The following ST18 variants were observed in gnomAD, a reference collection of about 807,000 sequenced individuals.
ST18 encodes the protein ST18 C2H2C-type zinc finger transcription factor, also known as suppression of tumorigenicity 18 protein.
A neutral mutation model predicts 110.0 loss-of-function variants in ST18; 50 were observed. That is an observed-to-expected ratio of 0.45 (90% confidence interval 0.36 to 0.58). The LOEUF is 0.58. Ranked by LOEUF, ST18 falls within the 20% of genes least tolerant of loss-of-function variation. The pLI is 0.00. For synonymous variants in ST18, 461 were observed against 452.4 expected (o/e 1.02, Z -0.24); for missense variants, 1,306 against 1,280.1 (o/e 1.02, Z -0.31).
intron 13 of ST18, 29 bp from the exon 14 acceptor site, chr8:52,161,597 G>T: frequency 6.2e-7 from 1 of 1,608,568 alleles, no homozygotes; most frequent in Non-Finnish European, 8.5e-7. Flanking sequence ...CAGTTCAAAA[G>T]AAATACAATG....
At chr8:52,319,112 T>G (rs146539448) in intron 2 of ST18, among the ~76,000 whole-genome samples, 2 of 152,254 alleles carry the variant, frequency 1.3e-5, no homozygotes, top group African/African-American at 2.4e-5. Flanking sequence ...TAAAAAAAAT[T>G]ATTTTTAAGG....
At chr8:52,392,937 T>C (rs1219756313) in intron 2 of ST18, among the ~76,000 whole-genome samples, 4 of 152,212 alleles carry the variant, frequency 2.6e-5, no homozygotes, top group Non-Finnish European at 4.4e-5. Flanking sequence ...CTTTCTATTT[T>C]CCATCTGTGA....
intron 2 of ST18, among the ~76,000 whole-genome samples, chr8:52,346,795 C>T (rs923766926): frequency 2.6e-5 from 4 of 151,766 alleles, no homozygotes; most frequent in African/African-American, 7.3e-5. Context: ...AGAAAGGTTT[C>T]GAGGGTGGGG....
intron 2 of ST18, among the ~76,000 whole-genome samples, chr8:52,300,315 T>C (rs978517068): frequency 6.6e-6 from 1 of 152,120 alleles, no homozygotes; most frequent in Admixed American, 6.6e-5. Context: ...CGAACACTCA[T>C]GGAACAGAAT....
chr8:52,396,989 G>A (rs1841380014), intron 2 of ST18, among the ~76,000 whole-genome samples: 1 of 152,062 alleles, frequency 6.6e-6, no homozygotes, highest in Admixed American at 6.6e-5. Flanking sequence ...TCTCCTTTGG[G>A]TATATACCCA....
intron 2 of ST18, among the ~76,000 whole-genome samples, chr8:52,253,205 TC>T (rs1404846292): frequency 6.6e-6 from 1 of 152,048 alleles, no homozygotes; most frequent in Non-Finnish European, 1.5e-5. Flanking sequence ...TGAAAAACAC[TC>T]CAGTTATTTC....
intron 2 of ST18, among the ~76,000 whole-genome samples, chr8:52,385,776 C>A (rs1836456609): frequency 6.6e-6 from 1 of 151,076 alleles, no homozygotes; most frequent in African/African-American, 2.4e-5. Flanking sequence ...AACATGTAAT[C>A]ACTATTTGCA....
rs1192619893 is a variant in ST18, at chr8:52,138,857, G to A, written c.2169-1374C>T. On this transcript the variant is annotated intron_variant, in intron 17 of 25. Coordinates refer to ENST00000689386, the MANE Select transcript of ST18 (RefSeq NM_001352837.2). The stretch of plus-strand genomic sequence containing the variant: ...ACTTATCCAGATATACAGAATACAT[G>A]TTTTAGCCTTTTGAAGGGACATTTT... Among the ~76,000 whole-genome samples, 6 of 152,222 alleles carry A rather than the reference G, an allele frequency of 3.9e-5. No individual in the cohort carries two copies. The East Asian group carries it at 1.2e-3, about 29-fold the overall frequency.
At chr8:52,193,659 C>G (rs2075290862) in intron 8 of ST18, among the ~76,000 whole-genome samples, 1 of 152,220 alleles carries the variant, frequency 6.6e-6, no homozygotes, top group African/African-American at 2.4e-5. Context: ...AGACAGGACC[C>G]TGGGGAAAAG....
At chr8:52,409,758 G>A (rs1252198187), upstream of ST18, 2 of 152,276 alleles carry the variant, frequency 1.3e-5, no homozygotes, top group African/African-American at 2.4e-5. Context: ...CATAGAATCA[G>A]AACGCAGAGG....
At chr8:52,395,048 G>C (rs1840633603) in intron 2 of ST18, among the ~76,000 whole-genome samples, 1 of 152,178 alleles carries the variant, frequency 6.6e-6, no homozygotes, top group Non-Finnish European at 1.5e-5. Context: ...AGTCATGGGG[G>C]AGGTCTCTCA....
intron 2 of ST18, among the ~76,000 whole-genome samples, chr8:52,299,566 T>C (rs1422335487): frequency 1.3e-5 from 2 of 152,220 alleles, no homozygotes; most frequent in Non-Finnish European, 2.9e-5. Flanking sequence ...TGCTTTGCTC[T>C]GTTATTTCTC....
intron 2 of ST18, among the ~76,000 whole-genome samples, chr8:52,333,502 A>T (rs1810584608): frequency 6.6e-6 from 1 of 152,198 alleles, no homozygotes; most frequent in Non-Finnish European, 1.5e-5. Flanking sequence ...TGTTGTGAAG[A>T]AGAAGAAAGA....
intron 2 of ST18, among the ~76,000 whole-genome samples, chr8:52,243,768 G>A (rs1217135281): frequency 2.0e-5 from 3 of 152,120 alleles, no homozygotes; most frequent in Non-Finnish European, 4.4e-5. Context: ...CAAATTATAT[G>A]TACAATGTTG....
intron 2 of ST18, among the ~76,000 whole-genome samples, chr8:52,356,639 A>G (rs1332803470): frequency 6.6e-6 from 1 of 152,220 alleles, no homozygotes; most frequent in African/African-American, 2.4e-5. Flanking sequence ...ATGGTCATTG[A>G]GGAAGCCTGA....
intron 2 of ST18, among the ~76,000 whole-genome samples, chr8:52,332,853 A>C (rs909196180): frequency 6.6e-6 from 1 of 152,042 alleles, no homozygotes; most frequent in Non-Finnish European, 1.5e-5. Flanking sequence ...TCTGTCAAAA[A>C]ACAAACAAAC....
chr8:52,211,689 G>A (rs1438749083), intron 8 of ST18, among the ~76,000 whole-genome samples: 2 of 152,074 alleles, frequency 1.3e-5, no homozygotes, highest in African/African-American at 4.8e-5. Context: ...TTTAATGCAA[G>A]AAGTGGATAA....
intron 8 of ST18, among the ~76,000 whole-genome samples, chr8:52,193,609 C>A (rs963767958): frequency 1.3e-5 from 2 of 152,380 alleles, no homozygotes; most frequent in Admixed American, 6.5e-5. Context: ...GATACACAAT[C>A]TGTACATGGC....
chr8:52,212,025 C>T (rs374805412), intron 8 of ST18, 54 bp downstream of exon 8: 578 of 1,548,786 alleles, frequency 3.7e-4, no homozygotes, highest in Middle Eastern at 1.0e-3. Context: ...ACAAATCATT[C>T]GAATAATCAA....
Sources: gnomAD v4.1 joint callset for allele counts (sites outside exome capture counted in the v4.1 genomes callset) on GRCh38, gnomAD v4.1.1 for gene constraint, MANE v1.5 for transcripts, NCBI Gene and HGNC (gene_info 2026-07-23, HGNC 2026-07-21) for gene names.